The following DAW1 variants were observed in gnomAD, a reference collection of about 807,000 sequenced individuals.
DAW1 encodes the protein dynein assembly factor with WD repeats 1.
Under a neutral mutation model 56.5 loss-of-function variants are expected in DAW1, and 47 were observed. The observed-to-expected ratio is 0.83, with a 90% CI of 0.66 to 1.06. The LOEUF (loss-of-function observed/expected upper bound fraction) is 1.06. Among genes scored for constraint, DAW1 ranks in the 50% least tolerant of loss-of-function variants. DAW1 has a pLI of 0.00. For synonymous variants in DAW1, 190 were observed against 179.0 expected, an observed-to-expected ratio of 1.06 and a Z score of -0.49; for missense variants, 505 against 499.3, an observed-to-expected ratio of 1.01 and a Z score of -0.11.
chr2:227,890,097 G>T, intron 3 of DAW1, 97 bp downstream of exon 3: 16 of 1,284,306 alleles, frequency 1.2e-5, no homozygotes, highest in Non-Finnish European at 1.5e-5. Context: ...TCATGAAAAA[G>T]GCATGTCAGT....
chr2:227,893,654 A>C (rs1691331218), intron 4 of DAW1, 141 bp from the exon 5 acceptor site: 1 of 1,319,478 alleles, frequency 7.6e-7, no homozygotes, highest in African/African-American at 1.5e-5. Flanking sequence ...CCTGAGTGAC[A>C]GAGCGAGACT....
At chr2:227,893,391 C>A (rs113801536) in intron 4 of DAW1, among the ~76,000 whole-genome samples, 3 of 150,414 alleles carry the variant, frequency 2.0e-5, no homozygotes, top group Non-Finnish European at 4.4e-5. Context: ...ATAGGCCAGG[C>A]GTGGTGTGTC....
rs1042819578 is a variant in DAW1, at chr2:227,904,940, C to T, written c.660C>T (p.Ala220=). 7 of 1,612,524 alleles carry T rather than the reference C, an allele frequency of 4.3e-6. No homozygotes were observed. Among genetic ancestry groups the T allele is most frequent in the Non-Finnish European group, 5.9e-6 (7 of 1,179,190 alleles). ...EEVYTLRGHS[A]EIISLSFNTS... ...TGCTCTTTTTCTAGGGACATTCTGC[C>T]GAAATCATCTCCTTGTCATTTAACA... Residue 220 remains alanine, a synonymous_variant, in exon 8 of 13, where the codon GCC becomes GCT. Coordinates refer to ENST00000309931, the MANE Select transcript of DAW1 (RefSeq NM_178821.3).
At chr2:227,903,267 T>G (rs936331732) in intron 7 of DAW1, among the ~76,000 whole-genome samples, 158 bp downstream of exon 7, 1 of 152,124 alleles carries the variant, frequency 6.6e-6, no homozygotes, top group Admixed American at 6.5e-5. Context: ...TCCAAAAGAC[T>G]TGGGTGGAGG....
intron 4 of DAW1, 84 bp from the exon 5 acceptor site, chr2:227,893,711 G>A: frequency 6.6e-7 from 1 of 1,518,678 alleles, no homozygotes; most frequent in Non-Finnish European, 8.8e-7. Context: ...AATAAATAGA[G>A]TTATTATCCT....
intron 10 of DAW1, chr2:227,912,363 A>G: frequency 1.5e-6 from 2 of 1,304,454 alleles, no homozygotes; most frequent in Non-Finnish European, 2.0e-6. Flanking sequence ...CGCCCGAGTT[A>G]TGTCACGTTC....
chr2:227,899,577 CTA>C (rs1338430387), intron 6 of DAW1, among the ~76,000 whole-genome samples: 2 of 152,168 alleles, frequency 1.3e-5, no homozygotes, highest in Admixed American at 1.3e-4. Context: ...GTGCTAATAA[CTA>C]TTAGTAGATG....
At chr2:227,888,569 A>G (rs1488948230) in intron 2 of DAW1, among the ~76,000 whole-genome samples, 1 of 152,214 alleles carries the variant, frequency 6.6e-6, no homozygotes, top group Non-Finnish European at 1.5e-5. Context: ...GAGAGCCACC[A>G]GAGAAGAGGC....
At chr2:227,892,166 C>G (rs996321990) in intron 4 of DAW1, among the ~76,000 whole-genome samples, 15 of 151,682 alleles carry the variant, frequency 9.9e-5, no homozygotes, top group African/African-American at 2.9e-4. Flanking sequence ...GAGTTTCACT[C>G]TTGTTGCTCA....
At chr2:227,877,948 T>C (rs1690920578) in intron 1 of DAW1, among the ~76,000 whole-genome samples, 1 of 152,268 alleles carries the variant, frequency 6.6e-6, no homozygotes, top group Non-Finnish European at 1.5e-5. Context: ...TTCAATTTTG[T>C]AGTGTATTCT....
Position 227,920,145 on chromosome 2 carries a change from A to G in DAW1, c.1051-1254A>G, listed in dbSNP as rs143792201. On this transcript the variant is annotated intron_variant, in intron 11 of 12. Coordinates refer to ENST00000309931, the MANE Select transcript of DAW1 (RefSeq NM_178821.3). ...GTGTCTCCTCCATAAGTAAACATCTATTTTCATGAATGAGTGAATACAAAG... is the reference window on the plus strand; with the variant it reads ...GTGTCTCCTCCATAAGTAAACATCTGTTTTCATGAATGAGTGAATACAAAG... Among the ~76,000 whole-genome samples, 189 of 152,208 alleles carry G rather than the reference A, an allele frequency of 1.2e-3. 1 individual carries two copies. The highest frequency in any genetic ancestry group is 4.1e-3 in the African/African-American group (170 of 41,526).
At chr2:227,914,270 A>G (rs1469844880) in intron 10 of DAW1, among the ~76,000 whole-genome samples, 2 of 152,048 alleles carry the variant, frequency 1.3e-5, no homozygotes, top group Non-Finnish European at 2.9e-5. Context: ...ACCATAATGT[A>G]TGATGCTACA....
intron 1 of DAW1, among the ~76,000 whole-genome samples, chr2:227,881,613 C>T (rs1170285029): frequency 1.3e-5 from 2 of 152,054 alleles, no homozygotes; most frequent in Non-Finnish European, 2.9e-5. Flanking sequence ...TCATATACAT[C>T]TTATTTAATC....
intron 10 of DAW1, among the ~76,000 whole-genome samples, chr2:227,910,427 A>C (rs2949015): frequency 0.48 from 73,111 of 151,424 alleles, 18,148 homozygotes; most frequent in Middle Eastern, 0.62. Flanking sequence ...AACTATGATT[A>C]TGCCACTATA....
chr2:227,916,606 A>T (rs1691957516), intron 10 of DAW1, among the ~76,000 whole-genome samples: 1 of 152,170 alleles, frequency 6.6e-6, no homozygotes, highest in Admixed American at 6.5e-5. Flanking sequence ...AGAAAATTAC[A>T]TATGATAACC....
rs1690752425 is a variant in DAW1 at position 227,871,706 on chromosome 2, T to C, written c.17T>C (p.Leu6Pro). 1 of 1,613,900 alleles carries C rather than the reference T, an allele frequency of 6.2e-7. No individual in the cohort carries two copies. Among genetic ancestry groups the C allele is most frequent in the East Asian group, 2.2e-5 (1 of 44,866 alleles). The change falls in exon 1 of 13, where the codon CTC (leucine) becomes CCC (proline). Residue 6 changes from leucine (L) to proline (P), a missense_variant. Transcript: ENST00000309931. ...AGCAAGAAAATGAAGCTCAAGAGCC[T>C]CCTGCTCCGGTATTACCCGCCAGGT... MKLKS[L>P]LLRYYPPGIM...
rs543960117 is a variant in DAW1 at position 227,902,470 on chromosome 2, A to G, written c.541-532A>G. 9.8e-4 allele frequency among the ~76,000 whole-genome samples: 149 copies of G among 152,062 alleles called. 1 individual carries two copies. Among genetic ancestry groups the G allele is most frequent in the African/African-American group, 3.0e-3 (126 of 41,486 alleles). On this transcript the variant is annotated intron_variant, in intron 6 of 12. Transcript: ENST00000309931. Reference sequence around the variant, plus strand: ...GGAAATTTTGACCCTGGATTGGTGAATTGGTGGTGAATCTTCTAGAGAAGA... The same window carrying G: ...GGAAATTTTGACCCTGGATTGGTGAGTTGGTGGTGAATCTTCTAGAGAAGA...
intron 7 of DAW1, among the ~76,000 whole-genome samples, chr2:227,904,487 CT>C (rs1236566317): frequency 4.6e-5 from 7 of 152,096 alleles, no homozygotes; most frequent in African/African-American, 7.2e-5. Context: ...TAATAATTTC[CT>C]TTTTAAAAGT....
At chr2:227,877,662 A>G (rs1490347290) in intron 1 of DAW1, among the ~76,000 whole-genome samples, 1 of 152,232 alleles carries the variant, frequency 6.6e-6, no homozygotes, top group Non-Finnish European at 1.5e-5. Flanking sequence ...ATCATCAGGC[A>G]TTAGTTAGAT....
Sources: gnomAD v4.1 joint callset for allele counts (sites outside exome capture counted in the v4.1 genomes callset) on GRCh38, gnomAD v4.1.1 for gene constraint, MANE v1.5 for transcripts, NCBI Gene and HGNC (gene_info 2026-07-23, HGNC 2026-07-21) for gene names.